NLGN1: variants seen among roughly 807,000 people sequenced by gnomAD.
The protein encoded by NLGN1 is neuroligin 1, also known as neuroligin-1.
In NLGN1, 12 loss-of-function variants were observed where a neutral mutation model predicts 65.5. The ratio of observed to expected loss-of-function variants is 0.18; its 90% CI spans 0.12 to 0.30. The LOEUF is 0.30. Among genes scored for constraint, NLGN1 ranks in the 10% least tolerant of loss-of-function variants. The probability of loss-of-function intolerance (pLI) is 1.00; values close to 1 mark genes in which losing one functional copy is unlikely to be tolerated. For synonymous variants in NLGN1, 350 were observed against 359.5 expected, an observed-to-expected ratio of 0.97 and a Z score of 0.30; for missense variants, 750 against 1,007.1, an observed-to-expected ratio of 0.74 and a Z score of 3.46.
rs1338720057 is a variant in NLGN1, at chr3:173,518,406, A to G, written c.-321+83328A>G. 2.6e-5 allele frequency among the ~76,000 whole-genome samples: 4 copies of G among 151,342 alleles called. No homozygotes were observed. In the South Asian group the frequency reaches 6.2e-4, roughly 24 times the overall value. On this transcript the variant is annotated intron_variant, in intron 2 of 6. Coordinates refer to ENST00000457714, the Ensembl canonical transcript of NLGN1. ...GTTATAGATATTTATATGTATATACATATATAGTTACATTTACTGTAACTA... is the reference window on the plus strand; with the variant it reads ...GTTATAGATATTTATATGTATATACGTATATAGTTACATTTACTGTAACTA...
intron 4 of NLGN1, among the ~76,000 whole-genome samples, chr3:173,813,988 C>G (rs150454186): frequency 1.3e-5 from 2 of 152,174 alleles, no homozygotes; most frequent in South Asian, 4.1e-4. Context: ...TCTGTAAAAA[C>G]CAAAGACATA....
At chr3:174,040,631 A>C (rs1379119085) in intron 4 of NLGN1, among the ~76,000 whole-genome samples, 2 of 152,118 alleles carry the variant, frequency 1.3e-5, no homozygotes, top group Admixed American at 1.3e-4. Context: ...ACATTTGCAA[A>C]ACATATATTT....
At chr3:173,420,575 A>C (rs1714845031) in intron 1 of NLGN1, among the ~76,000 whole-genome samples, 1 of 152,136 alleles carries the variant, frequency 6.6e-6, no homozygotes. Context: ...TGATTTTATA[A>C]TCCTCTGGGT....
At chr3:173,807,949 A>T in intron 4 of NLGN1, 117 bp downstream of exon 4, 1 of 974,888 alleles carries the variant, frequency 1.0e-6, no homozygotes, top group Non-Finnish European at 1.6e-6. Context: ...GCGTGTTGAC[A>T]TTCTCGAGCC....
At chr3:173,738,802 G>A (rs982657094) in intron 3 of NLGN1, among the ~76,000 whole-genome samples, 5 of 152,070 alleles carry the variant, frequency 3.3e-5, no homozygotes, top group East Asian at 3.9e-4. Context: ...TGATTAAAAT[G>A]TGTTGAATCT....
At chr3:173,953,012 C>G (rs531238903) in intron 4 of NLGN1, among the ~76,000 whole-genome samples, 4 of 152,284 alleles carry the variant, frequency 2.6e-5, no homozygotes, top group Non-Finnish European at 5.9e-5. Flanking sequence ...CTCCTGACCT[C>G]AAGTGATCCA....
At chr3:173,654,961 G>C (rs1759764800) in intron 3 of NLGN1, among the ~76,000 whole-genome samples, 1 of 152,144 alleles carries the variant, frequency 6.6e-6, no homozygotes, top group Non-Finnish European at 1.5e-5. Flanking sequence ...ACTGAAGCCA[G>C]ACTCCTTGGT....
intron 5 of NLGN1, among the ~76,000 whole-genome samples, chr3:174,278,392 ATC>A (rs1750978048): frequency 6.6e-6 from 1 of 151,976 alleles, no homozygotes; most frequent in East Asian, 1.9e-4. Context: ...TTCAAATAAC[ATC>A]TGTTTAAAAC....
chr3:174,099,084 C>G (rs1711789679), intron 4 of NLGN1, among the ~76,000 whole-genome samples: 1 of 152,072 alleles, frequency 6.6e-6, no homozygotes, highest in Non-Finnish European at 1.5e-5. Context: ...CTATTAAAAT[C>G]AAAACAGTCT....
At chr3:173,546,570 C>G (rs921068698) in intron 2 of NLGN1, among the ~76,000 whole-genome samples, 1 of 152,132 alleles carries the variant, frequency 6.6e-6, no homozygotes, top group African/African-American at 2.4e-5. Flanking sequence ...AAGAAAAATG[C>G]ACATAAATTA....
At chr3:173,812,284 T>A (rs7615534) in intron 4 of NLGN1, among the ~76,000 whole-genome samples, 4,585 of 152,284 alleles carry the variant, frequency 0.03, 183 homozygotes, top group East Asian at 0.17. Flanking sequence ...TAAAACAAGC[T>A]TTTGTTAACT....
intron 3 of NLGN1, among the ~76,000 whole-genome samples, chr3:173,697,281 G>GTTTA (rs1207575420): frequency 3.5e-4 from 53 of 152,190 alleles, no homozygotes; most frequent in South Asian, 8.3e-4. Context: ...CAGGACTCAA[G>GTTTA]TTTATTTATT....
intron 2 of NLGN1, among the ~76,000 whole-genome samples, chr3:173,559,294 C>G (rs987376009): frequency 3.3e-5 from 5 of 152,198 alleles, no homozygotes; most frequent in African/African-American, 1.2e-4. Flanking sequence ...GAGTCTCTTT[C>G]TGATCTACAT....
chr3:174,116,238 C>T (rs768903952), intron 4 of NLGN1, among the ~76,000 whole-genome samples: 19 of 151,710 alleles, frequency 1.3e-4, no homozygotes, highest in East Asian at 5.8e-4. Flanking sequence ...CAACACCACT[C>T]GTCATCAACA....
chr3:173,630,817 AT>A (rs1755572635), intron 3 of NLGN1, among the ~76,000 whole-genome samples: 1 of 152,152 alleles, frequency 6.6e-6, no homozygotes, highest in African/African-American at 2.4e-5. Context: ...AAACTTCTTG[AT>A]TTGGTACCCC....
At chr3:173,634,327 T>C (rs11915794) in intron 3 of NLGN1, among the ~76,000 whole-genome samples, 22,670 of 152,022 alleles carry the variant, frequency 0.15, 1,853 homozygotes, top group Middle Eastern at 0.26. Context: ...AATAAGTAAA[T>C]AAAATCTTCT....
intron 3 of NLGN1, among the ~76,000 whole-genome samples, chr3:173,762,965 TACACACACACACACAC>T (rs111427276): frequency 7.0e-6 from 1 of 143,254 alleles, no homozygotes. Context: ...TTGTCTCTGA[TACACACACACACACAC>T]ACACACACAC....
intron 4 of NLGN1, among the ~76,000 whole-genome samples, chr3:174,002,439 T>A (rs567777792): frequency 6.6e-6 from 1 of 152,308 alleles, no homozygotes; most frequent in East Asian, 1.9e-4. Flanking sequence ...AAAATCAGTA[T>A]TTTTTAACAC....
chr3:174,254,258 G>C (rs1745259695), intron 4 of NLGN1, among the ~76,000 whole-genome samples: 1 of 143,382 alleles, frequency 7.0e-6, no homozygotes, highest in African/African-American at 2.6e-5. Context: ...TCGCAAACTT[G>C]TCTCTTAAAA....
Sources: allele counts gnomAD v4.1 joint callset (sites outside exome capture counted in the v4.1 genomes callset), GRCh38; gene constraint gnomAD v4.1.1; transcripts MANE v1.5; gene names NCBI Gene and HGNC (gene_info 2026-07-23, HGNC 2026-07-21).